Variants in ETV5 observed in about 807,000 individuals in gnomAD.
The protein encoded by ETV5 is ETS translocation variant 5.
Under a neutral mutation model 70.0 loss-of-function variants are expected in ETV5, and 10 were observed. The observed-to-expected ratio is 0.14, with a 90% confidence interval of 0.09 to 0.24. The LOEUF is 0.24. Among genes scored for constraint, ETV5 ranks in the 10% least tolerant of loss-of-function variants. ETV5 has a pLI of 1.00. For synonymous variants in ETV5, 216 were observed against 242.2 expected, an observed-to-expected ratio of 0.89 and a Z score of 1.01; for missense variants, 453 against 651.2, an observed-to-expected ratio of 0.70 and a Z score of 3.31.
chr3:186,078,665 G>A (rs75867570), intron 7 of ETV5, among the ~76,000 whole-genome samples: 1,739 of 152,150 alleles, frequency 0.011, 11 homozygotes, highest in South Asian at 0.026. Context: ...TGAGTCCCCG[G>A]TGGCAATAGA....
In ETV5 at chr3:186,083,004, TAG is replaced by T. The variant is rs542728261; in HGVS notation, c.233-1831_233-1830del. ...CTAGCAGATTATATTTAGAAGTCAT[TAG>T]AGTTTCTCTCGTGATTTTTTGATGG... On this transcript the variant is annotated intron_variant, in intron 5 of 12. Transcript: ENST00000306376. Among the ~76,000 whole-genome samples the T allele has an allele frequency of 1.9e-3, 291 of 152,386 alleles. 1 individual carries two copies. The highest frequency in any genetic ancestry group is 6.9e-3 in the African/African-American group (286 of 41,590).
chr3:186,099,371 T>G (rs375136421), intron 5 of ETV5, among the ~76,000 whole-genome samples: 3 of 152,192 alleles, frequency 2.0e-5, no homozygotes, highest in Non-Finnish European at 2.9e-5. Flanking sequence ...AATCCGGTAA[T>G]GGCATCAGCA....
chr3:186,047,850 CTG>C lies in ETV5; in HGVS notation c.*787_*788del, dbSNP rs1470345562. On this transcript the variant is annotated 3_prime_UTR_variant, in exon 13 of 13. Transcript: ENST00000306376. ...AAAACTACAAAAATCAGTTTATAAACTGTTTTTCCAAAACAACCACCAAAACA... is the reference window on the plus strand; with the variant it reads ...AAAACTACAAAAATCAGTTTATAAACTTTTTCCAAAACAACCACCAAAACA... The C allele has an allele frequency of 8.6e-6, 2 of 233,550 alleles. No homozygotes were observed. The highest frequency in any genetic ancestry group is 1.1e-4 in the Admixed American group (2 of 17,798). 14.5% of individuals were successfully genotyped at this position (233,550 alleles called of 1,614,324 possible).
rs1396854196 is a variant in ETV5 at position 186,054,051 on chromosome 3, AGGTTTGGTATAC to A, written c.1210-1932_1210-1921del. On this transcript the variant is annotated intron_variant, in intron 11 of 12. Coordinates refer to ENST00000306376, the MANE Select transcript of ETV5 (RefSeq NM_004454.3). This position sits in a 1 kb window ranked among gnomAD's most constrained non-coding sequence, Gnocchi z 4.4. ...GCATATGCAATTGCTTACTGGAGAA[AGGTTTGGTATAC>A]GCACAGATTTCAAAGCAGCTCTGGT... Among the ~76,000 whole-genome samples the A allele has an allele frequency of 6.6e-6, 1 of 152,196 alleles. No individual in the cohort carries two copies. Among genetic ancestry groups the A allele is most frequent in the Admixed American group, 6.5e-5 (1 of 15,290 alleles).
chr3:186,078,695 C>A (rs1713856722), intron 7 of ETV5, among the ~76,000 whole-genome samples: 3 of 152,058 alleles, frequency 2.0e-5, no homozygotes, highest in Admixed American at 2.0e-4. Context: ...CAGAGCCAGC[C>A]CCCCACAACC....
intron 1 of ETV5, among the ~76,000 whole-genome samples, chr3:186,107,885 G>A (rs995737044): frequency 2.0e-5 from 3 of 151,936 alleles, no homozygotes; most frequent in Admixed American, 6.6e-5. Context: ...CCCCATTCAT[G>A]AAAACTCCTT....
chr3:186,093,341 A>G (rs1392782057), intron 5 of ETV5, among the ~76,000 whole-genome samples: 1 of 152,176 alleles, frequency 6.6e-6, no homozygotes, highest in Non-Finnish European at 1.5e-5. Flanking sequence ...AAATCTCATT[A>G]TTTGAACTAT....
intron 7 of ETV5, among the ~76,000 whole-genome samples, chr3:186,079,533 G>A (rs1207233594): frequency 6.6e-6 from 1 of 152,180 alleles, no homozygotes; most frequent in Non-Finnish European, 1.5e-5. Context: ...ATCCTGGCAA[G>A]TCATTCTTCC....
intron 12 of ETV5, 45 bp from the exon 13 acceptor site, chr3:186,048,905 A>C: frequency 6.6e-7 from 1 of 1,513,402 alleles, no homozygotes; most frequent in Non-Finnish European, 9.1e-7. Context: ...GGAACAGGGC[A>C]TGGGATCAGG....
At position 186,105,358 on chromosome 3, in the gene ETV5, G is replaced by A; in HGVS notation, c.182-3C>T. On this transcript the variant is annotated splice_region_variant and splice_polypyrimidine_tract_variant and intron_variant, in intron 4 of 12. Transcript: ENST00000306376. The surrounding 1 kb of genome is among the most constrained non-coding windows in gnomAD (Gnocchi z 4.5). Reference sequence around the variant, plus strand: ...CTGTTCATCATCAGGAACTTGTGCTGGAAAATAGATTTTTATTTTAGACCT... The same window carrying A: ...CTGTTCATCATCAGGAACTTGTGCTAGAAAATAGATTTTTATTTTAGACCT... 1.2e-6 allele frequency: 2 copies of A among 1,613,228 alleles called. No individual in the cohort carries two copies. Among genetic ancestry groups the A allele is most frequent in the African/African-American group, 1.3e-5 (1 of 74,938 alleles).
chr3:186,063,520 G>T (rs1449531462), intron 9 of ETV5, among the ~76,000 whole-genome samples: 1 of 152,146 alleles, frequency 6.6e-6, no homozygotes, highest in Admixed American at 6.5e-5. Flanking sequence ...AATTAAGTTG[G>T]TCCCAAAGGG....
intron 1 of ETV5, among the ~76,000 whole-genome samples, chr3:186,107,681 C>T (rs1714620827): frequency 6.6e-6 from 1 of 152,172 alleles, no homozygotes; most frequent in South Asian, 2.1e-4. Flanking sequence ...ACCCGCGCCC[C>T]GGGCGCCCCC....
Position 186,048,617 on chromosome 3 carries a change from G to A in ETV5, c.*22C>T, listed in dbSNP as rs770312835. On this transcript the variant is annotated 3_prime_UTR_variant, in exon 13 of 13. Coordinates refer to ENST00000306376, the MANE Select transcript of ETV5 (RefSeq NM_004454.3). ...ATGGGAACTGCTAGCTCTAGGGTTTGGCCACTCCGCCACTCAGAAACTTAG... is the reference window on the plus strand; with the variant it reads ...ATGGGAACTGCTAGCTCTAGGGTTTAGCCACTCCGCCACTCAGAAACTTAG... The A allele has an allele frequency of 1.2e-6, 2 of 1,606,116 alleles. No homozygotes were observed. Among genetic ancestry groups the A allele is most frequent in the South Asian group, 2.2e-5 (2 of 90,858 alleles).
chr3:186,056,938 A>G, intron 11 of ETV5, 137 bp downstream of exon 11: 1 of 915,182 alleles, frequency 1.1e-6, no homozygotes, highest in Non-Finnish European at 1.6e-6. Context: ...GATACAGCCA[A>G]GCCCACTGGC....
Position 186,054,547 on chromosome 3 carries a change from G to A in ETV5, c.1210-2416C>T, listed in dbSNP as rs1252704829. On this transcript the variant is annotated intron_variant, in intron 11 of 12. Transcript: ENST00000306376. The surrounding 1 kb of genome is among the most constrained non-coding windows in gnomAD (Gnocchi z 4.4). The stretch of plus-strand genomic sequence containing the variant: ...TAATTGAGAGGGTGCTAAGCTGGAT[G>A]ACTATCAAAAGACATTTGATTAGGG... Among the ~76,000 whole-genome samples the A allele has an allele frequency of 6.6e-6, 1 of 152,186 alleles. No homozygotes were observed. The highest frequency in any genetic ancestry group is 1.5e-5 in the Non-Finnish European group (1 of 68,044).
Position 186,057,962 on chromosome 3 carries a change from G to A in ETV5, c.971-471C>T, listed in dbSNP as rs1057193699. 3.3e-5 allele frequency among the ~76,000 whole-genome samples: 5 copies of A among 152,264 alleles called. No individual in the cohort carries two copies. The highest frequency in any genetic ancestry group is 1.9e-4 in the East Asian group (1 of 5,184). On this transcript the variant is annotated intron_variant, in intron 9 of 12. Coordinates refer to ENST00000306376, the MANE Select transcript of ETV5 (RefSeq NM_004454.3). This position sits in a 1 kb window ranked among gnomAD's most constrained non-coding sequence, Gnocchi z 4.9. ...CTACTCACATACCTCGTTCAATTAC[G>A]AAAGAGCTTGAAGGGTAAAGAATGT...
rs1441605571 is a variant in ETV5 at position 186,048,178 on chromosome 3, G to A, written c.*461C>T. On this transcript the variant is annotated 3_prime_UTR_variant, in exon 13 of 13. Transcript: ENST00000306376. The stretch of plus-strand genomic sequence containing the variant: ...ATGTATTTTTAACCCTTAATGGTTT[G>A]AGCCTCCCCAACTTAGCCTACTTAC... 1 of 244,414 alleles carries A rather than the reference G, an allele frequency of 4.1e-6. No individual in the cohort carries two copies. The highest frequency in any genetic ancestry group is 2.2e-5 in the African/African-American group (1 of 45,436). 15.1% of individuals were successfully genotyped at this position (244,414 alleles called of 1,614,324 possible).
rs1713923633 is a variant in ETV5, at chr3:186,081,085, A to T, written c.323T>A (p.Leu108His). 1 of 1,613,788 alleles carries T rather than the reference A, an allele frequency of 6.2e-7. No individual in the cohort carries two copies. Among genetic ancestry groups the T allele is most frequent in the African/African-American group, 1.3e-5 (1 of 75,014 alleles). Residue 108 changes from leucine (L) to histidine (H), a missense_variant, in exon 6 of 13, where the codon CTT becomes CAT. By Grantham distance (99) the Leu-to-His change is moderately conservative. Coordinates refer to ENST00000306376, the MANE Select transcript of ETV5 (RefSeq NM_004454.3). ...ELSSCSHEQA[L>H]GANYGEKCLY... ...GCACTTTTCTCCATAGTTAGCACCA[A>T]GAGCCTGCTCATGGCTACAAGACGA...
chr3:186,048,162 T>C lies in ETV5; in HGVS notation c.*477A>G, dbSNP rs1479714480. 8.4e-6 allele frequency: 2 copies of C among 239,322 alleles called. No individual in the cohort carries two copies. Among genetic ancestry groups the C allele is most frequent in the Non-Finnish European group, 1.6e-5 (2 of 121,556 alleles). 14.8% of individuals were successfully genotyped at this position (239,322 alleles called of 1,614,324 possible). On this transcript the variant is annotated 3_prime_UTR_variant, in exon 13 of 13. Transcript: ENST00000306376. ...CTTTCCAATGTTTAAGATGTATTTT[T>C]AACCCTTAATGGTTTGAGCCTCCCC...
Sources: allele counts gnomAD v4.1 joint callset (sites outside exome capture counted in the v4.1 genomes callset), GRCh38; gene constraint gnomAD v4.1.1; non-coding constraint Gnocchi (gnomAD v3.1); transcripts MANE v1.5; gene names NCBI Gene and HGNC (gene_info 2026-07-23, HGNC 2026-07-21).